The following CACNA2D3 variants were observed in gnomAD, a reference collection of about 807,000 sequenced individuals.
The protein encoded by CACNA2D3 is voltage-dependent calcium channel subunit alpha-2/delta-3.
A neutral mutation model predicts 160.6 loss-of-function variants in CACNA2D3; 60 were observed. The observed-to-expected ratio is 0.37, with a 90% CI of 0.30 to 0.46. The LOEUF is 0.46. CACNA2D3 is among the 20% of genes least tolerant of loss of function. The pLI, the probability that CACNA2D3 is intolerant of heterozygous loss-of-function variation, is 1.00. For missense variants in CACNA2D3, 1,205 were observed against 1,365.0 expected, an observed-to-expected ratio of 0.88 and a Z score of 1.85; for synonymous variants, 558 against 492.9, an observed-to-expected ratio of 1.13 and a Z score of -1.75.
intron 12 of CACNA2D3, among the ~76,000 whole-genome samples, chr3:54,763,252 G>T (rs138098076): frequency 6.6e-6 from 1 of 152,148 alleles, no homozygotes; most frequent in East Asian, 1.9e-4. Context: ...TACAAACCTG[G>T]ACTCATCATC....
intron 11 of CACNA2D3, among the ~76,000 whole-genome samples, chr3:54,736,014 TATAC>T (rs1202840613): frequency 2.0e-4 from 18 of 91,610 alleles, no homozygotes; most frequent in African/African-American, 3.0e-4. Context: ...TATGTATATA[TATAC>T]ACATACATAT....
chr3:54,593,206 A>T (rs750528054), intron 9 of CACNA2D3, among the ~76,000 whole-genome samples: 2 of 152,228 alleles, frequency 1.3e-5, no homozygotes, highest in Non-Finnish European at 2.9e-5. Flanking sequence ...ACCTACATGT[A>T]AATAAATTCT....
intron 17 of CACNA2D3, among the ~76,000 whole-genome samples, chr3:54,863,764 A>G (rs1183245046): frequency 6.6e-6 from 1 of 152,130 alleles, no homozygotes; most frequent in Non-Finnish European, 1.5e-5. Context: ...ACAGCGATCA[A>G]AAGGATTTTG....
intron 31 of CACNA2D3, among the ~76,000 whole-genome samples, chr3:55,001,939 AC>A (rs1702987292): frequency 6.6e-6 from 1 of 152,292 alleles, no homozygotes; most frequent in South Asian, 2.1e-4. Context: ...CAGGTGGATC[AC>A]AAGGTCAGGA....
intron 11 of CACNA2D3, among the ~76,000 whole-genome samples, chr3:54,675,905 T>C (rs1460413813): frequency 3.3e-5 from 5 of 152,080 alleles, no homozygotes; most frequent in African/African-American, 4.8e-5. Flanking sequence ...CAAGATGGTG[T>C]CCTCCACACC....
At chr3:54,470,003 C>G (rs1023106382) in intron 4 of CACNA2D3, among the ~76,000 whole-genome samples, 1 of 152,212 alleles carries the variant, frequency 6.6e-6, no homozygotes, top group African/African-American at 2.4e-5. Context: ...TTGGAAAACA[C>G]TCTTCAGGAT....
chr3:54,628,691 G>A (rs1202752788), intron 10 of CACNA2D3, among the ~76,000 whole-genome samples: 2 of 152,334 alleles, frequency 1.3e-5, no homozygotes, highest in African/African-American at 2.4e-5. Context: ...ATTTTAAATA[G>A]TAGGAGTTTA....
At chr3:54,582,209 C>T (rs1242465409) in intron 9 of CACNA2D3, among the ~76,000 whole-genome samples, 1 of 152,334 alleles carries the variant, frequency 6.6e-6, no homozygotes, top group East Asian at 1.9e-4. Context: ...ATTGAACCCA[C>T]TTGTTATTTC....
In CACNA2D3 at chr3:54,965,603, C is replaced by G. The variant is rs570259858; in HGVS notation, c.2450-2847C>G. Among the ~76,000 whole-genome samples, 14 of 152,270 alleles carry G rather than the reference C, an allele frequency of 9.2e-5. 1 individual carries two copies. The South Asian group carries it at 2.7e-3, about 29-fold the overall frequency. ...TACCCAGTGTAGAGCTTAGTACTCA[C>G]TGAACAAATGGTCGTGAAGTTGATC... On this transcript the variant is annotated intron_variant, in intron 27 of 37. Coordinates refer to ENST00000474759, the MANE Select transcript of CACNA2D3 (RefSeq NM_018398.3).
At chr3:54,149,266 T>TGC (rs1392045782) in intron 2 of CACNA2D3, among the ~76,000 whole-genome samples, 6 of 83,636 alleles carry the variant, frequency 7.2e-5, no homozygotes, top group South Asian at 5.0e-4. Context: ...GGGTCCCATG[T>TGC]GCACACACAC....
intron 3 of CACNA2D3, among the ~76,000 whole-genome samples, chr3:54,368,000 G>T (rs1215028713): frequency 2.0e-5 from 3 of 152,186 alleles, no homozygotes; most frequent in Non-Finnish European, 1.5e-5. Flanking sequence ...TCATTGAGTA[G>T]CTGTACCTTA....
intron 11 of CACNA2D3, among the ~76,000 whole-genome samples, chr3:54,676,301 A>G (rs1471177496): frequency 6.6e-6 from 1 of 152,196 alleles, no homozygotes; most frequent in Non-Finnish European, 1.5e-5. Context: ...CTTTACATAT[A>G]AACAGAGATG....
chr3:54,874,156 A>G (rs899019170), intron 18 of CACNA2D3, among the ~76,000 whole-genome samples: 2 of 152,250 alleles, frequency 1.3e-5, no homozygotes, highest in African/African-American at 4.8e-5. Context: ...AAGTTCATAT[A>G]TACTGTTACA....
At chr3:54,817,146 C>A (rs1373047671) in intron 14 of CACNA2D3, among the ~76,000 whole-genome samples, 3 of 152,140 alleles carry the variant, frequency 2.0e-5, no homozygotes, top group Admixed American at 1.3e-4. Context: ...AATAATAGGT[C>A]AAGAATAAGT....
chr3:55,021,765 C>A (rs358039), intron 35 of CACNA2D3, among the ~76,000 whole-genome samples: 16,264 of 149,664 alleles, frequency 0.11, 2,992 homozygotes, highest in African/African-American at 0.38. Flanking sequence ...ACAAGTTTCT[C>A]ATTTTTACCA....
At chr3:54,743,740 A>T (rs2107048911) in intron 11 of CACNA2D3, among the ~76,000 whole-genome samples, 1 of 152,310 alleles carries the variant, frequency 6.6e-6, no homozygotes, top group Non-Finnish European at 1.5e-5. Context: ...CTATGAACAA[A>T]TGGCTGTCAC....
chr3:54,221,327 C>T (rs1701566383), intron 2 of CACNA2D3, among the ~76,000 whole-genome samples: 1 of 152,170 alleles, frequency 6.6e-6, no homozygotes, highest in Non-Finnish European at 1.5e-5. Context: ...TATTTAGTTT[C>T]CATTTGAGAT....
intron 31 of CACNA2D3, among the ~76,000 whole-genome samples, chr3:54,988,637 G>T (rs1261000695): frequency 6.6e-6 from 1 of 152,216 alleles, no homozygotes; most frequent in East Asian, 1.9e-4. Context: ...CCAGTGGGTA[G>T]GCAGGCCCCT....
At chr3:54,943,731 C>T (rs1406828881) in intron 27 of CACNA2D3, among the ~76,000 whole-genome samples, 1 of 151,946 alleles carries the variant, frequency 6.6e-6, no homozygotes, top group Non-Finnish European at 1.5e-5. Context: ...TTTCATCTTG[C>T]TTTGGTGAGA....
Sources: allele counts gnomAD v4.1 joint callset (sites outside exome capture counted in the v4.1 genomes callset), GRCh38; gene constraint gnomAD v4.1.1; transcripts MANE v1.5; gene names NCBI Gene and HGNC (gene_info 2026-07-23, HGNC 2026-07-21).